Variants in TBC1D5 observed in about 807,000 individuals in gnomAD.
TBC1D5 encodes TBC1 domain family member 5, also known as TBC1 domain family, member 5.
TBC1D5 carries 75 observed loss-of-function variants against 100.3 expected under a neutral mutation model. That is an observed-to-expected ratio of 0.75 (90% confidence interval 0.62 to 0.91). The LOEUF is 0.91. TBC1D5 is among the 40% of genes least tolerant of loss of function. The pLI, the probability that TBC1D5 is intolerant of heterozygous loss-of-function variation, is 0.00. For synonymous variants in TBC1D5, 323 were observed against 325.6 expected, an observed-to-expected ratio of 0.99 and a Z score of 0.09; for missense variants, 910 against 942.4, an observed-to-expected ratio of 0.97 and a Z score of 0.45.
chr3:17,529,501 T>TG lies in TBC1D5; in HGVS notation c.-35-20897dup, dbSNP rs549302658. 1.7e-3 allele frequency among the ~76,000 whole-genome samples: 251 copies of TG among 151,762 alleles called. 2 individuals are homozygous for TG. The highest frequency in any genetic ancestry group is 5.9e-3 in the African/African-American group (242 of 41,346). The stretch of plus-strand genomic sequence containing the variant: ...ACAATTATACATGTAAGAGAAAGGG[T>TG]GGGGGGAAGAGGGTATGATGGAAGC... On this transcript the variant is annotated intron_variant, in intron 2 of 21. Coordinates refer to ENST00000253692, the Ensembl canonical transcript of TBC1D5.
At chr3:17,671,748 A>C (rs1301973282) in intron 1 of TBC1D5, among the ~76,000 whole-genome samples, 1 of 152,246 alleles carries the variant, frequency 6.6e-6, no homozygotes, top group Non-Finnish European at 1.5e-5. Flanking sequence ...AAAACATACA[A>C]AAAGCAAAAA....
At position 17,238,437 on chromosome 3, in the gene TBC1D5, G is replaced by C. The variant is rs760338708; in HGVS notation, c.1332-18C>G. 3.1e-6 allele frequency: 5 copies of C among 1,599,628 alleles called. No homozygotes were observed. The highest frequency in any genetic ancestry group is 4.3e-6 in the Non-Finnish European group (5 of 1,172,086). ...CATTGGTCCTGTTAAAAAAAGAAAT[G>C]GAGAAGCATTATTTACATTAGAGGA... On this transcript the variant is annotated intron_variant, in intron 16 of 21. Transcript: ENST00000253692.
chr3:17,384,979 T>C (rs897183728), intron 8 of TBC1D5, among the ~76,000 whole-genome samples: 20 of 151,810 alleles, frequency 1.3e-4, no homozygotes, highest in Non-Finnish European at 2.6e-4. Context: ...CCTGAAAGAG[T>C]AGCATAGGAA....
intron 3 of TBC1D5, among the ~76,000 whole-genome samples, chr3:17,492,487 T>C (rs1172647913): frequency 1.3e-5 from 2 of 151,658 alleles, no homozygotes; most frequent in African/African-American, 4.8e-5. Flanking sequence ...CAGGCTGGAG[T>C]GGAGTGGCAC....
rs1471237770 is a variant in TBC1D5 at position 17,594,562 on chromosome 3, CCTT to C, written c.-36+29284_-36+29286del. On this transcript the variant is annotated intron_variant, in intron 2 of 21. Transcript: ENST00000253692. ...ACTGTAATTGTCATGAATATTTCCT[CCTT>C]CTGTTAGAAACATGTTTGTGCATGT... is the stretch of plus-strand genomic sequence containing the variant. 2.6e-5 allele frequency among the ~76,000 whole-genome samples: 4 copies of C among 152,360 alleles called. No individual in the cohort carries two copies. In the East Asian group the frequency reaches 7.7e-4, roughly 29 times the overall value.
chr3:17,330,293 G>A (rs1361789796), intron 13 of TBC1D5, among the ~76,000 whole-genome samples: 2 of 152,068 alleles, frequency 1.3e-5, no homozygotes, highest in African/African-American at 4.8e-5. Flanking sequence ...CCTGCAGGAG[G>A]CTAACTGTCC....
At chr3:17,346,154 T>G (rs1170450917) in intron 13 of TBC1D5, among the ~76,000 whole-genome samples, 1 of 152,102 alleles carries the variant, frequency 6.6e-6, no homozygotes, top group Non-Finnish European at 1.5e-5. Context: ...AATTATATGG[T>G]TTTAATAAAT....
chr3:17,590,373 T>C (rs868487619), intron 2 of TBC1D5, among the ~76,000 whole-genome samples: 1 of 152,170 alleles, frequency 6.6e-6, no homozygotes, highest in Non-Finnish European at 1.5e-5. Context: ...TTTATTTGCT[T>C]GGTTGGCTGA....
intron 1 of TBC1D5, among the ~76,000 whole-genome samples, chr3:17,675,673 T>C (rs576272637): frequency 6.6e-6 from 1 of 152,210 alleles, no homozygotes; most frequent in Admixed American, 6.5e-5. Flanking sequence ...AACATGATGA[T>C]CAAAGGAAAA....
intron 1 of TBC1D5, among the ~76,000 whole-genome samples, chr3:17,661,964 C>T (rs1433264016): frequency 6.6e-6 from 1 of 152,106 alleles, no homozygotes; most frequent in Non-Finnish European, 1.5e-5. Flanking sequence ...AATCATAGCT[C>T]ACTGCATCCT....
intron 18 of TBC1D5, among the ~76,000 whole-genome samples, chr3:17,202,304 A>G (rs2071562426): frequency 6.6e-6 from 1 of 152,240 alleles, no homozygotes; most frequent in Admixed American, 6.5e-5. Flanking sequence ...AAAGTGTTCA[A>G]ATGCAGCCTG....
In TBC1D5 at chr3:17,282,115, T is replaced by TA. The variant is rs556607006; in HGVS notation, c.1245+9779dup. ...AGAGATTATAGGCTAATTAAGGCCT[T>TA]ATCAGCCACACATCACCCTTTAAAA... is the stretch of plus-strand genomic sequence containing the variant. On this transcript the variant is annotated intron_variant, in intron 15 of 21. Transcript: ENST00000253692. 9.9e-5 allele frequency among the ~76,000 whole-genome samples: 15 copies of TA among 152,284 alleles called. No individual in the cohort carries two copies. In the East Asian group the frequency reaches 2.5e-3, roughly 25 times the overall value.
chr3:17,494,839 C>T (rs2095685459), intron 3 of TBC1D5, among the ~76,000 whole-genome samples: 1 of 152,198 alleles, frequency 6.6e-6, no homozygotes, highest in Admixed American at 6.5e-5. Context: ...TAGCTGGCTG[C>T]AACCCAAGCA....
Position 17,577,481 on chromosome 3 carries a change from C to T in TBC1D5, c.-36+46368G>A, listed in dbSNP as rs577035799. 1.6e-3 allele frequency among the ~76,000 whole-genome samples: 238 copies of T among 152,022 alleles called. 1 individual carries two copies. The highest frequency in any genetic ancestry group is 2.4e-3 in the Non-Finnish European group (163 of 67,868). On this transcript the variant is annotated intron_variant, in intron 2 of 21. Coordinates refer to ENST00000253692, the Ensembl canonical transcript of TBC1D5. ...TGTCTTCAACTCATCTTAATCTCAACAACTCTTTCCACCTTTGTATTTAGA... is the reference window on the plus strand; with the variant it reads ...TGTCTTCAACTCATCTTAATCTCAATAACTCTTTCCACCTTTGTATTTAGA...
chr3:17,337,793 G>T lies in TBC1D5; in HGVS notation c.996-29659C>A, dbSNP rs532881577. On this transcript the variant is annotated intron_variant, in intron 13 of 21. Coordinates refer to ENST00000253692, the Ensembl canonical transcript of TBC1D5. ...TCTACGCCATATTTTTACAATAACTGTTAACGAGTACCAAAATGGATAGTT... is the reference window on the plus strand; with the variant it reads ...TCTACGCCATATTTTTACAATAACTTTTAACGAGTACCAAAATGGATAGTT... Among the ~76,000 whole-genome samples the T allele has an allele frequency of 3.9e-5, 6 of 152,264 alleles. No individual in the cohort carries two copies. In the South Asian group the frequency reaches 1.2e-3, roughly 32 times the overall value.
chr3:17,468,816 T>C (rs1559955177), intron 3 of TBC1D5, among the ~76,000 whole-genome samples: 1 of 152,188 alleles, frequency 6.6e-6, no homozygotes, highest in Non-Finnish European at 1.5e-5. Context: ...TATTTACTAT[T>C]ATCAATGGGA....
chr3:17,475,277 C>T (rs1452036669), intron 3 of TBC1D5, among the ~76,000 whole-genome samples: 1 of 151,848 alleles, frequency 6.6e-6, no homozygotes, highest in African/African-American at 2.4e-5. Context: ...GAATCTCAGA[C>T]TCATATATCC....
At position 17,508,615 on chromosome 3, in the gene TBC1D5, G is replaced by T; in HGVS notation, c.-35-10C>A. On this transcript the variant is annotated splice_polypyrimidine_tract_variant and intron_variant, in intron 2 of 21. Coordinates refer to ENST00000253692, the Ensembl canonical transcript of TBC1D5. ...CACCAAAAGTAACTACCTGGGAGGT[G>T]AAAAAATACAGAGAAAAATAATAAA... 3 of 1,309,286 alleles carry T rather than the reference G, an allele frequency of 2.3e-6. No individual in the cohort carries two copies. The highest frequency in any genetic ancestry group is 2.4e-5 in the South Asian group (2 of 83,394). The allele number at this position is 1,309,286 out of a possible 1,614,324, so 81.1% of individuals were successfully genotyped here.
chr3:17,352,675 G>A, intron 13 of TBC1D5, among the ~76,000 whole-genome samples: 1 of 100,350 alleles, frequency 1.0e-5, no homozygotes, highest in South Asian at 3.5e-4. Flanking sequence ...ACAATACAAA[G>A]CAAAAGGCAA....
Sources: gnomAD v4.1 joint callset for allele counts (sites outside exome capture counted in the v4.1 genomes callset) on GRCh38, gnomAD v4.1.1 for gene constraint, MANE v1.5 for transcripts, NCBI Gene and HGNC (gene_info 2026-07-23, HGNC 2026-07-21) for gene names.